Variants in LPCAT2 observed in about 807,000 individuals in gnomAD.
LPCAT2 encodes 1-AGP acyltransferase 11.
Under a neutral mutation model 64.7 loss-of-function variants are expected in LPCAT2, and 58 were observed. The observed-to-expected ratio is 0.90, with a 90% CI of 0.73 to 1.12. The LOEUF (loss-of-function observed/expected upper bound fraction) is 1.12, where lower values mean the gene tolerates loss of function less well. Among genes scored for constraint, LPCAT2 ranks in the 50% most tolerant of loss-of-function variants. The pLI, the probability that LPCAT2 is intolerant of heterozygous loss-of-function variation, is 0.00. For synonymous variants in LPCAT2, 252 were observed against 245.3 expected, an observed-to-expected ratio of 1.03 and a Z score of -0.26; for missense variants, 579 against 669.8, an observed-to-expected ratio of 0.86 and a Z score of 1.50.
At chr16:55,533,536 C>A (rs1458781650) in intron 6 of LPCAT2, among the ~76,000 whole-genome samples, 1 of 151,234 alleles carries the variant, frequency 6.6e-6, no homozygotes, top group African/African-American at 2.4e-5. Flanking sequence ...TCTCAGCCTC[C>A]CGAGTAGTGG....
chr16:55,545,592 A>G, intron 8 of LPCAT2, 143 bp from the exon 9 acceptor site: 1 of 580,344 alleles, frequency 1.7e-6, no homozygotes, highest in Non-Finnish European at 3.1e-6. Context: ...CCTGAGTACA[A>G]GCCCAGTGCC....
intron 7 of LPCAT2, among the ~76,000 whole-genome samples, chr16:55,536,857 C>CT (rs1160508969): frequency 1.3e-5 from 2 of 152,230 alleles, no homozygotes; most frequent in East Asian, 3.9e-4. Context: ...TAGAGGGTTG[C>CT]TTAACCACTT....
Position 55,509,111 on chromosome 16 carries a change from G to T in LPCAT2, c.-71G>T. 1.6e-6 allele frequency: 2 copies of T among 1,240,610 alleles called. No individual in the cohort carries two copies. Among genetic ancestry groups the T allele is most frequent in the Non-Finnish European group, 2.1e-6 (2 of 974,626 alleles). The allele number at this position is 1,240,610 out of a possible 1,614,324, so 76.9% of individuals were successfully genotyped here. A position where few individuals can be genotyped will look rare whatever the true frequency, so the allele number is the denominator to read the frequency against. On this transcript the variant is annotated 5_prime_UTR_variant, in exon 1 of 14. In the 5' UTR this introduces an upstream ATG that the reference lacks. Transcript: ENST00000262134. ...GTCGCCCTAGGCTGGGACTCTAGTA[G>T]GTCTTCGGCTCAGTTTTGGCTGCAG...
chr16:55,550,154 G>C (rs954441772), intron 10 of LPCAT2, among the ~76,000 whole-genome samples: 3 of 152,096 alleles, frequency 2.0e-5, no homozygotes, highest in Admixed American at 1.3e-4. Flanking sequence ...AAAATGTTTT[G>C]CTTTTGTTTG....
intron 11 of LPCAT2, among the ~76,000 whole-genome samples, chr16:55,560,866 A>AT (rs760778632): frequency 1.0e-3 from 152 of 150,614 alleles, no homozygotes; most frequent in South Asian, 2.7e-3. Context: ...CAATTCAATA[A>AT]TTTTTTTTTT....
intron 13 of LPCAT2, among the ~76,000 whole-genome samples, chr16:55,579,801 C>T (rs145057877): frequency 4.7e-4 from 71 of 152,280 alleles, no homozygotes; most frequent in African/African-American, 1.7e-3. Flanking sequence ...TTTCACATTC[C>T]TTGTCTCATG....
In LPCAT2 at chr16:55,574,334, A is replaced by G. The variant is rs143608315; in HGVS notation, c.1216-297A>G. ...ATGAAACTCATAGGTCCTGCCTCCC[A>G]GAGGGGCTCCCATCATGGCAAAGCT... is the stretch of plus-strand genomic sequence containing the variant. On this transcript the variant is annotated intron_variant, in intron 11 of 13. Transcript: ENST00000262134. Among the ~76,000 whole-genome samples the G allele has an allele frequency of 9.1e-3, 1,381 of 152,292 alleles. 16 individuals are homozygous for G. The highest frequency in any genetic ancestry group is 0.031 in the African/African-American group (1,271 of 41,572).
chr16:55,547,265 G>A (rs566059535), intron 9 of LPCAT2, among the ~76,000 whole-genome samples: 8 of 152,254 alleles, frequency 5.3e-5, no homozygotes, highest in East Asian at 1.9e-4. Flanking sequence ...TCAAAGGTGC[G>A]GAGGTAATAA....
intron 1 of LPCAT2, among the ~76,000 whole-genome samples, chr16:55,514,209 A>G (rs1962974569): frequency 6.6e-6 from 1 of 152,160 alleles, no homozygotes; most frequent in South Asian, 2.1e-4. Flanking sequence ...GGAATCTAGA[A>G]GGCTGTCCAC....
intron 9 of LPCAT2, 111 bp from the exon 10 acceptor site, chr16:55,549,166 A>G: frequency 2.5e-6 from 2 of 796,242 alleles, no homozygotes; most frequent in South Asian, 1.8e-5. Context: ...TTTAAAAAGT[A>G]GTAAATACTT....
chr16:55,549,949 G>A (rs1288885710), intron 10 of LPCAT2, among the ~76,000 whole-genome samples: 2 of 152,116 alleles, frequency 1.3e-5, no homozygotes, highest in Non-Finnish European at 2.9e-5. Flanking sequence ...GCTATAAAAG[G>A]TGTAACCCTC....
intron 11 of LPCAT2, among the ~76,000 whole-genome samples, chr16:55,557,807 G>A (rs904450207): frequency 1.3e-5 from 2 of 152,016 alleles, no homozygotes; most frequent in Non-Finnish European, 2.9e-5. Context: ...TTCTTGGTTC[G>A]TCTACAAAAA....
Position 55,584,268 on chromosome 16 carries a change from A to G in LPCAT2, c.*1170A>G, listed in dbSNP as rs1237491088. The G allele has an allele frequency of 6.6e-6, 1 of 152,154 alleles. No individual in the cohort carries two copies. The highest frequency in any genetic ancestry group is 1.5e-5 in the Non-Finnish European group (1 of 68,024). The allele number at this position is 152,154 out of a possible 1,614,324, so 9.4% of individuals were successfully genotyped here. A position where few individuals can be genotyped will look rare whatever the true frequency, so the allele number is the denominator to read the frequency against. On this transcript the variant is annotated 3_prime_UTR_variant, in exon 14 of 14. Coordinates refer to ENST00000262134, the MANE Select transcript of LPCAT2 (RefSeq NM_017839.5). Reference sequence around the variant, plus strand: ...ATATTATCATGTAAGTGGGAATTTTATTTTGTTAAGTGGACTCTCAAATTT... The same window carrying G: ...ATATTATCATGTAAGTGGGAATTTTGTTTTGTTAAGTGGACTCTCAAATTT...
At chr16:55,557,030 T>A (rs1292029003) in intron 11 of LPCAT2, 8 of 152,224 alleles carry the variant, frequency 5.3e-5, no homozygotes, top group Non-Finnish European at 8.8e-5. Context: ...ACATATTATT[T>A]TATAATTGTG....
intron 1 of LPCAT2, among the ~76,000 whole-genome samples, chr16:55,516,342 C>G (rs2142389175): frequency 6.6e-6 from 1 of 152,260 alleles, no homozygotes; most frequent in African/African-American, 2.4e-5. Context: ...TGGGCTCAAG[C>G]AGTCTTTCCA....
chr16:55,541,672 G>C (rs1479061277), intron 8 of LPCAT2: 1 of 291,128 alleles, frequency 3.4e-6, no homozygotes, highest in Non-Finnish European at 6.7e-6. Context: ...CTACCTACCT[G>C]TATGTACTTG....
rs1963807293 is a variant in LPCAT2 at position 55,574,664 on chromosome 16, G to A, written c.1249G>A (p.Val417Met). The A allele has an allele frequency of 1.2e-6, 2 of 1,613,562 alleles. No individual in the cohort carries two copies. Among genetic ancestry groups the A allele is most frequent in the Middle Eastern group, 1.7e-4 (1 of 6,058 alleles). Residue 417 changes from valine (V) to methionine (M), a missense_variant, in exon 12 of 14, where the codon GTG becomes ATG. Physicochemically the swap from Val to Met is conservative, Grantham distance 21 (BLOSUM62 1). Transcript: ENST00000262134. ...HDGSIDFREYVIGLAVLCNPS... is the reference protein window; with the variant it reads ...HDGSIDFREYMIGLAVLCNPS... ...TGGCAGCATTGACTTCCGAGAGTAT[G>A]TGATTGGCCTGGCTGTCTTGTGCAA... is the stretch of plus-strand genomic sequence containing the variant.
intron 1 of LPCAT2, among the ~76,000 whole-genome samples, chr16:55,524,207 A>G (rs1210804570): frequency 6.6e-6 from 1 of 151,904 alleles, no homozygotes; most frequent in African/African-American, 2.4e-5. Context: ...ATCAATAAAC[A>G]TATTGTCATA....
At chr16:55,558,210 G>A (rs934621036) in intron 11 of LPCAT2, among the ~76,000 whole-genome samples, 1 of 152,206 alleles carries the variant, frequency 6.6e-6, no homozygotes, top group Non-Finnish European at 1.5e-5. Context: ...AAGAGTAGAC[G>A]TTATGCCAGC....
Sources: gnomAD v4.1 joint callset for allele counts (sites outside exome capture counted in the v4.1 genomes callset) on GRCh38, gnomAD v4.1.1 for gene constraint, MANE v1.5 for transcripts, NCBI Gene and HGNC (gene_info 2026-07-23, HGNC 2026-07-21) for gene names.